Variants in TEF observed in about 807,000 individuals in gnomAD.
TEF encodes thyrotroph embryonic factor.
A neutral mutation model predicts 20.8 loss-of-function variants in TEF; 3 were observed. The ratio of observed to expected loss-of-function variants is 0.14; its 90% CI spans 0.07 to 0.37. The LOEUF (loss-of-function observed/expected upper bound fraction) is 0.37, where lower values mean the gene tolerates loss of function less well. TEF is among the 10% of genes least tolerant of loss of function. The pLI, the probability that TEF is intolerant of heterozygous loss-of-function variation, is 1.00. For missense variants in TEF, 296 were observed against 397.9 expected, an observed-to-expected ratio of 0.74 and a Z score of 2.18; for synonymous variants, 180 against 171.1, an observed-to-expected ratio of 1.05 and a Z score of -0.41.
chr22:41,387,500 G>C lies in TEF; in HGVS notation c.307G>C (p.Glu103Gln). 1 of 1,614,196 alleles carries C rather than the reference G, an allele frequency of 6.2e-7. No homozygotes were observed. The highest frequency in any genetic ancestry group is 2.2e-5 in the East Asian group (1 of 44,892). ...SFHLEYMDLD[E>Q]FLLENGIPAS... ...CCACCTGGAGTACATGGACCTGGAT[G>C]AGTTCCTGCTGGAGAATGGCATCCC... Residue 103 changes from glutamate to glutamine, a missense_variant, in exon 2 of 4, where the codon GAG becomes CAG. Physicochemically the swap from Glu to Gln is conservative, Grantham distance 29 (BLOSUM62 2). Around this residue, in one of 2 missense-constraint regions of TEF, gnomAD observed 194 missense variants for 317.8 expected, o/e 0.61. Transcript: ENST00000266304.
rs552853840 is a variant in TEF, at chr22:41,373,192, A to T, written c.67+5593A>T. 1.8e-3 allele frequency among the ~76,000 whole-genome samples: 280 copies of T among 152,348 alleles called. 2 individuals carry two copies. Among genetic ancestry groups the T allele is most frequent in the Middle Eastern group, 3.4e-3 (1 of 294 alleles). ...TTTGACCGAGCACATGCTATAGGCCAGGTGGTGTCCTAGCACTGTGCCTGA... is the reference window on the plus strand; with the variant it reads ...TTTGACCGAGCACATGCTATAGGCCTGGTGGTGTCCTAGCACTGTGCCTGA... On this transcript the variant is annotated intron_variant, in intron 1 of 3. Transcript: ENST00000406644.
intron 3 of TEF, 107 bp from the exon 4 acceptor site, chr22:41,395,638 G>C (rs1330196985): frequency 2.2e-5 from 25 of 1,139,932 alleles, no homozygotes; most frequent in Non-Finnish European, 2.7e-5. Context: ...CCCTGCTTTA[G>C]CTCTGGCCAC....
intron 2 of TEF, among the ~76,000 whole-genome samples, chr22:41,387,973 C>T (rs978586773): frequency 7.3e-6 from 1 of 137,298 alleles, no homozygotes; most frequent in Non-Finnish European, 1.5e-5. Context: ...TGCATTTCCT[C>T]AATGCTGCTC....
intron 1 of TEF, among the ~76,000 whole-genome samples, chr22:41,383,145 C>T (rs1284712926): frequency 1.3e-5 from 2 of 152,026 alleles, no homozygotes; most frequent in Non-Finnish European, 2.9e-5. Flanking sequence ...AGGGATAGGC[C>T]TTCGAGAGTT....
chr22:41,368,887 C>T (rs900798312), intron 1 of TEF, among the ~76,000 whole-genome samples: 7 of 152,180 alleles, frequency 4.6e-5, no homozygotes, highest in East Asian at 1.9e-4. Context: ...GCAACTCAGC[C>T]GGAGGGATCT....
intron 2 of TEF, among the ~76,000 whole-genome samples, chr22:41,390,722 C>T (rs966559004): frequency 2.6e-5 from 4 of 152,046 alleles, no homozygotes; most frequent in African/African-American, 9.7e-5. Context: ...TGGTCTTGAA[C>T]TCCTCACCTC....
At chr22:41,377,523 C>T (rs2036958379), upstream of TEF, among the ~76,000 whole-genome samples, 1 of 152,184 alleles carries the variant, frequency 6.6e-6, no homozygotes, top group African/African-American at 2.4e-5. Context: ...AACGTTTATT[C>T]CTCCACTAAG....
At chr22:41,379,141 A>C (rs2036982678), upstream of TEF, among the ~76,000 whole-genome samples, 1 of 152,034 alleles carries the variant, frequency 6.6e-6, no homozygotes. Flanking sequence ...GTTCGAGACC[A>C]GCCTGGCCAA....
At chr22:41,391,046 G>A (rs2037158927) in intron 2 of TEF, among the ~76,000 whole-genome samples, 1 of 152,080 alleles carries the variant, frequency 6.6e-6, no homozygotes, top group Non-Finnish European at 1.5e-5. Flanking sequence ...ACTAGGTTTG[G>A]CATGCCCGAA....
Position 41,397,146 on chromosome 22 carries a change from A to C in TEF, c.*1186A>C, listed in dbSNP as rs2037239721. On this transcript the variant is annotated 3_prime_UTR_variant, in exon 4 of 4. Coordinates refer to ENST00000266304, the MANE Select transcript of TEF (RefSeq NM_003216.4). ...CTAGAGTCACCAAGGTCACAGTGCC[A>C]CTTTCACGGGATAGCAGGCTCTTGG... 2.5e-6 allele frequency: 1 copy of C among 398,536 alleles called. No homozygotes were observed. The highest frequency in any genetic ancestry group is 1.3e-4 in the South Asian group (1 of 7,862). The allele number at this position is 398,536 out of a possible 1,614,324, so 24.7% of individuals were successfully genotyped here. A position where few individuals can be genotyped will look rare whatever the true frequency, so the allele number is the denominator to read the frequency against.
intron 1 of TEF, among the ~76,000 whole-genome samples, chr22:41,384,379 A>G (rs188498209): frequency 3.4e-4 from 52 of 152,116 alleles, no homozygotes; most frequent in Non-Finnish European, 6.3e-4. Flanking sequence ...GACTGAGACA[A>G]TTGGGTAGAT....
At position 41,397,051 on chromosome 22, in the gene TEF, C is replaced by T. The variant is rs767671044; in HGVS notation, c.*1091C>T. On this transcript the variant is annotated 3_prime_UTR_variant, in exon 4 of 4. Coordinates refer to ENST00000266304, the MANE Select transcript of TEF (RefSeq NM_003216.4). Reference sequence around the variant, plus strand: ...CTCTCCCTGGGGGCAGCTGGGGCCTCGCAATTCTTGCTTCAGGATCTCTCC... The same window carrying T: ...CTCTCCCTGGGGGCAGCTGGGGCCTTGCAATTCTTGCTTCAGGATCTCTCC... The T allele has an allele frequency of 1.2e-4, 48 of 398,738 alleles. 1 individual carries two copies. The highest frequency in any genetic ancestry group is 1.0e-3 in the South Asian group (8 of 7,866). The allele number at this position is 398,738 out of a possible 1,614,324, so 24.7% of individuals were successfully genotyped here.
intron 2 of TEF, among the ~76,000 whole-genome samples, chr22:41,393,615 G>A (rs573786070): frequency 1.6e-4 from 25 of 151,788 alleles, no homozygotes; most frequent in African/African-American, 5.8e-4. Flanking sequence ...AAATTAGCCA[G>A]GCTTGGTGGC....
chr22:41,393,979 T>A (rs984848126), intron 2 of TEF, 117 bp from the exon 3 acceptor site: 8 of 835,136 alleles, frequency 9.6e-6, no homozygotes, highest in African/African-American at 3.4e-5. Context: ...GGTTTTCTTC[T>A]CCCCAGGCGG....
intron 1 of TEF, chr22:41,367,604 G>C: frequency 6.4e-7 from 1 of 1,551,112 alleles, no homozygotes; most frequent in East Asian, 2.4e-5. Flanking sequence ...GAACAGGTAG[G>C]AGCACAGGTG....
chr22:41,378,819 G>C (rs1168581892), upstream of TEF, among the ~76,000 whole-genome samples: 4 of 152,124 alleles, frequency 2.6e-5, no homozygotes, highest in Non-Finnish European at 5.9e-5. Flanking sequence ...GTCTAGGTTA[G>C]CTTCCCCTAA....
chr22:41,388,291 C>T (rs1357686741), intron 2 of TEF, among the ~76,000 whole-genome samples: 2 of 152,094 alleles, frequency 1.3e-5, no homozygotes. Context: ...AGCTACCACG[C>T]ACAGCCTTAA....
chr22:41,381,416 G>A (rs1303824702), upstream of TEF, among the ~76,000 whole-genome samples: 1 of 147,826 alleles, frequency 6.8e-6, no homozygotes, highest in South Asian at 2.1e-4. Flanking sequence ...CCCTCCCCCC[G>A]CGACCAGACT....
rs1043551732 is a variant in TEF, at chr22:41,397,090, C to T, written c.*1130C>T. ...CAGGATCTCTCCCATGCGAGCTGCC[C>T]GGAGGGTGTCAGCAGGGCAAGACAC... On this transcript the variant is annotated 3_prime_UTR_variant, in exon 4 of 4. Transcript: ENST00000266304. 2.0e-5 allele frequency: 8 copies of T among 398,578 alleles called. No individual in the cohort carries two copies. Among genetic ancestry groups the T allele is most frequent in the Admixed American group, 8.8e-5 (2 of 22,692 alleles). 24.7% of individuals were successfully genotyped at this position (398,578 alleles called of 1,614,324 possible).
Sources: gnomAD v4.1 joint callset for allele counts (sites outside exome capture counted in the v4.1 genomes callset) on GRCh38, gnomAD v4.1.1 for gene constraint, gnomAD v4.1.1 regional missense constraint, MANE v1.5 for transcripts, NCBI Gene and HGNC (gene_info 2026-07-23, HGNC 2026-07-21) for gene names.